Variants in PPM1L observed in about 807,000 individuals in gnomAD.
PPM1L encodes protein phosphatase 1L.
In PPM1L, 13 loss-of-function variants were observed where a neutral mutation model predicts 31.4. The ratio of observed to expected loss-of-function variants is 0.41; its 90% CI spans 0.27 to 0.66. PPM1L has a LOEUF of 0.66. Among genes scored for constraint, PPM1L ranks in the 30% least tolerant of loss-of-function variants. PPM1L has a pLI of 0.29. For synonymous variants in PPM1L, 184 were observed against 175.4 expected (o/e 1.05, Z -0.39); for missense variants, 326 against 453.7 (o/e 0.72, Z 2.56).
chr3:161,030,406 T>C (rs1401856180), intron 2 of PPM1L, among the ~76,000 whole-genome samples: 1 of 152,200 alleles, frequency 6.6e-6, no homozygotes, highest in East Asian at 1.9e-4. Flanking sequence ...AAAGTGGCAC[T>C]TATGGATCAG....
At chr3:160,809,103 C>T (rs1229294830) in intron 1 of PPM1L, among the ~76,000 whole-genome samples, 1 of 152,168 alleles carries the variant, frequency 6.6e-6, no homozygotes, top group East Asian at 1.9e-4. Flanking sequence ...TCCCGAGGTC[C>T]AGCTCTGCCA....
chr3:160,959,008 A>G (rs1024016179), intron 1 of PPM1L, among the ~76,000 whole-genome samples: 7 of 152,250 alleles, frequency 4.6e-5, no homozygotes, highest in African/African-American at 1.7e-4. Context: ...GCATGTGTAT[A>G]GCAGCACAAT....
At position 160,863,940 on chromosome 3, in the gene PPM1L, A is replaced by C. The variant is rs115884715; in HGVS notation, c.400-97796A>C. Among the ~76,000 whole-genome samples, 23 of 152,256 alleles carry C rather than the reference A, an allele frequency of 1.5e-4. No homozygotes were observed. The East Asian group carries it at 3.5e-3, about 23-fold the overall frequency. The stretch of plus-strand genomic sequence containing the variant: ...AAATGAATATTTGAGATGGAAAAAA[A>C]CATCTAGATGGATATAGGTAGATGA... On this transcript the variant is annotated intron_variant, in intron 1 of 3. Transcript: ENST00000498165.
At chr3:160,835,028 T>TTACTAC (rs1159075146) in intron 1 of PPM1L, among the ~76,000 whole-genome samples, 1 of 105,168 alleles carries the variant, frequency 9.5e-6, no homozygotes, top group Non-Finnish European at 1.9e-5. Context: ...ACTACTACTA[T>TTACTAC]TACTACTACT....
rs1403479437 is a variant in PPM1L at position 161,019,363 on chromosome 3, T to TA, written c.575-46034dup. Among the ~76,000 whole-genome samples, 28 of 152,072 alleles carry TA rather than the reference T, an allele frequency of 1.8e-4. No homozygotes were observed. The East Asian group carries it at 2.5e-3, about 14-fold the overall frequency. On this transcript the variant is annotated intron_variant, in intron 2 of 3. Coordinates refer to ENST00000498165, the MANE Select transcript of PPM1L (RefSeq NM_139245.4). ...CATGCGCCACCATGCCTGGCTGATTTAAAAAATTTTTTTTTGTAAAGATAG... is the reference window on the plus strand; with the variant it reads ...CATGCGCCACCATGCCTGGCTGATTTAAAAAAATTTTTTTTTGTAAAGATAG...
chr3:161,010,306 T>A (rs1210191673), intron 2 of PPM1L, among the ~76,000 whole-genome samples: 1 of 152,204 alleles, frequency 6.6e-6, no homozygotes, highest in Admixed American at 6.5e-5. Context: ...TCCAGCTTCA[T>A]TCATGTCCCT....
chr3:160,869,511 TAA>T (rs60785747), intron 1 of PPM1L, among the ~76,000 whole-genome samples: 7,245 of 152,286 alleles, frequency 0.048, 233 homozygotes, highest in Admixed American at 0.098. Flanking sequence ...GTAAATTTTT[TAA>T]AGTTTTCCTC....
chr3:161,063,732 C>T (rs1337620268), intron 2 of PPM1L, among the ~76,000 whole-genome samples: 1 of 152,170 alleles, frequency 6.6e-6, no homozygotes, highest in African/African-American at 2.4e-5. Flanking sequence ...ATGTTTATTG[C>T]AGCACTATTC....
intron 1 of PPM1L, among the ~76,000 whole-genome samples, chr3:160,856,494 A>T (rs896921133): frequency 6.6e-6 from 1 of 152,208 alleles, no homozygotes; most frequent in African/African-American, 2.4e-5. Context: ...GAATGAGATC[A>T]TGTCCTTTGT....
chr3:161,027,594 GA>G (rs1216103170), intron 2 of PPM1L, among the ~76,000 whole-genome samples: 2 of 152,130 alleles, frequency 1.3e-5, no homozygotes, highest in African/African-American at 4.8e-5. Context: ...AACAGCACGG[GA>G]AAGACCTGCC....
chr3:160,954,956 C>CTTCCTTCCTTCCT lies in PPM1L; in HGVS notation c.400-6774_400-6773insCCTTCCTTTCCTT, dbSNP rs1553749482. Among the ~76,000 whole-genome samples the CTTCCTTCCTTCCT allele has an allele frequency of 5.4e-3, 420 of 77,360 alleles. 5 individuals carry two copies. Among genetic ancestry groups the CTTCCTTCCTTCCT allele is most frequent in the African/African-American group, 0.025 (395 of 15,774 alleles). The allele number at this position is 77,360 out of a possible 152,430, so 50.8% of individuals were successfully genotyped here. ...CCTTCCTTCCTTCCTTCCTTCCTTC[C>CTTCCTTCCTTCCT]TTCCTTTCCTTTCCTTTCCTTTCCT... On this transcript the variant is annotated intron_variant, in intron 1 of 3. Transcript: ENST00000498165.
At chr3:161,050,061 T>C (rs1198312256) in intron 2 of PPM1L, among the ~76,000 whole-genome samples, 2 of 152,120 alleles carry the variant, frequency 1.3e-5, no homozygotes, top group Non-Finnish European at 2.9e-5. Flanking sequence ...GTCACCTGAG[T>C]GTGGTGTCAG....
rs1232540395 is a variant in PPM1L, at chr3:160,756,817, G to A, written c.399+110G>A. 8.2e-7 allele frequency: 1 copy of A among 1,216,568 alleles called. No individual in the cohort carries two copies. The allele number at this position is 1,216,568 out of a possible 1,614,324, so 75.4% of individuals were successfully genotyped here. On this transcript the variant is annotated intron_variant, in intron 1 of 3. Coordinates refer to ENST00000498165, the MANE Select transcript of PPM1L (RefSeq NM_139245.4). The surrounding 1 kb of genome is among the most constrained non-coding windows in gnomAD (Gnocchi z 6.2). ...TAAACAACAGGACAGCGTGTGCGCA[G>A]CGGGAGAGGATCTGGGTGCGAGGGG... is the stretch of plus-strand genomic sequence containing the variant.
Position 160,890,431 on chromosome 3 carries a change from G to T in PPM1L, c.400-71305G>T, listed in dbSNP as rs568329439. Among the ~76,000 whole-genome samples the T allele has an allele frequency of 7.0e-4, 107 of 152,208 alleles. 1 individual carries two copies. The highest frequency in any genetic ancestry group is 2.6e-3 in the Admixed American group (40 of 15,286). ...AAATACCTAGGAATACAGCTAACGAGATGTGAAGGACCTCTTCAAAATACA... is the reference window on the plus strand; with the variant it reads ...AAATACCTAGGAATACAGCTAACGATATGTGAAGGACCTCTTCAAAATACA... On this transcript the variant is annotated intron_variant, in intron 1 of 3. Transcript: ENST00000498165.
intron 2 of PPM1L, among the ~76,000 whole-genome samples, chr3:161,018,915 A>G (rs979136551): frequency 1.3e-5 from 2 of 152,292 alleles, no homozygotes; most frequent in Admixed American, 1.3e-4. Flanking sequence ...TTGACATTAT[A>G]TTAAAGGCTT....
chr3:160,786,127 T>TTCTC (rs147384969), intron 1 of PPM1L, among the ~76,000 whole-genome samples: 134 of 103,966 alleles, frequency 1.3e-3, no homozygotes, highest in South Asian at 4.1e-3. Context: ...AATCTCATTT[T>TTCTC]TCTCTCTCTC....
At chr3:160,816,599 C>A (rs1267403766) in intron 1 of PPM1L, among the ~76,000 whole-genome samples, 1 of 151,404 alleles carries the variant, frequency 6.6e-6, no homozygotes. Flanking sequence ...CAACAGAGTT[C>A]TTTTCTGTAG....
chr3:160,758,144 G>A (rs528886511), intron 1 of PPM1L, among the ~76,000 whole-genome samples: 1 of 152,214 alleles, frequency 6.6e-6, no homozygotes, highest in African/African-American at 2.4e-5. Context: ...GTTTCTCACT[G>A]GTTGTAAATT....
rs1159714739 is a variant in PPM1L at position 161,078,448 on chromosome 3, A to G, written c.*9291A>G. The G allele has an allele frequency of 1.3e-5, 2 of 152,206 alleles. No individual in the cohort carries two copies. Among genetic ancestry groups the G allele is most frequent in the Non-Finnish European group, 2.9e-5 (2 of 68,026 alleles). 9.4% of individuals were successfully genotyped at this position (152,206 alleles called of 1,614,324 possible). On this transcript the variant is annotated 3_prime_UTR_variant, in exon 4 of 4. Coordinates refer to ENST00000498165, the MANE Select transcript of PPM1L (RefSeq NM_139245.4). ...ATCTATAATTTATTGGCAATACTTT[A>G]TTTTAGGAATCTTCAAATTGTACTT... is the stretch of plus-strand genomic sequence containing the variant.
Sources: gnomAD v4.1 joint callset for allele counts (sites outside exome capture counted in the v4.1 genomes callset) on GRCh38, gnomAD v4.1.1 for gene constraint, Gnocchi (gnomAD v3.1) non-coding constraint, MANE v1.5 for transcripts, NCBI Gene and HGNC (gene_info 2026-07-23, HGNC 2026-07-21) for gene names.